Variants in KRT80 observed in about 807,000 individuals in gnomAD.
KRT80 encodes the protein keratin 80, also known as keratin, type II cytoskeletal 80.
In KRT80, 36 loss-of-function variants were observed where a neutral mutation model predicts 51.5. The ratio of observed to expected loss-of-function variants is 0.70; its 90% CI spans 0.54 to 0.92. The LOEUF is 0.92. Among genes scored for constraint, KRT80 ranks in the 40% least tolerant of loss-of-function variants. KRT80 has a pLI of 0.00. For missense variants in KRT80, 566 were observed against 591.7 expected, an observed-to-expected ratio of 0.96 and a Z score of 0.45; for synonymous variants, 235 against 248.3, an observed-to-expected ratio of 0.95 and a Z score of 0.50.
At chr12:52,174,650 A>G (rs1941188441) in intron 4 of KRT80, among the ~76,000 whole-genome samples, 1 of 152,256 alleles carries the variant, frequency 6.6e-6, no homozygotes, top group Admixed American at 6.5e-5. Flanking sequence ...ACTGAGGCAT[A>G]AAGATGTTGT....
At chr12:52,178,524 C>T (rs12581752) in intron 4 of KRT80, among the ~76,000 whole-genome samples, 76,472 of 152,130 alleles carry the variant, frequency 0.5, 19,829 homozygotes, top group African/African-American at 0.54. Context: ...TGAGAGGCCC[C>T]GCTCATGGGC....
chr12:52,191,912 G>C lies in KRT80; in HGVS notation c.-10C>G, dbSNP rs201521953. 19 of 1,456,630 alleles carry C rather than the reference G, an allele frequency of 1.3e-5. No homozygotes were observed. The highest frequency in any genetic ancestry group is 1.7e-5 in the Non-Finnish European group (19 of 1,103,022). 90.2% of individuals were successfully genotyped at this position (1,456,630 alleles called of 1,614,324 possible). ...AGGAGCGGCAGGCCATGGTGCCCCC[G>C]GCCGGAAGCAGGAGGGCCCAGGGGG... On this transcript the variant is annotated 5_prime_UTR_variant, in exon 1 of 9. Transcript: ENST00000394815.
rs546805667 is a variant in KRT80, at chr12:52,179,507, C to T, written c.666+1006G>A. On this transcript the variant is annotated intron_variant, in intron 4 of 8. Coordinates refer to ENST00000394815, the MANE Select transcript of KRT80 (RefSeq NM_182507.3). ...CTATGCTACCTCTCGTGGCCACAAA[C>T]AAGACTCAGTTCCACGGAGGCCCCA... 2.6e-4 allele frequency among the ~76,000 whole-genome samples: 39 copies of T among 152,352 alleles called. No homozygotes were observed. In the East Asian group the frequency reaches 7.0e-3, roughly 27 times the overall value.
Position 52,172,297 on chromosome 12 carries a change from G to A in KRT80, c.1079C>T (p.Ala360Val), listed in dbSNP as rs564779835. The change falls in exon 7 of 9, where the codon GCG (alanine) becomes GTG (valine). Residue 360 changes from alanine to valine, a missense_variant. Ala to Val is a moderately conservative substitution (Grantham distance 64, BLOSUM62 0). Coordinates refer to ENST00000394815, the MANE Select transcript of KRT80 (RefSeq NM_182507.3). ...CTCCTGGTACTTGCGCAGCTGCCGC[G>A]CCATGTCCTGCTTGGCCTGCTGCAG... The part of the protein sequence containing the change: ...AALQQAKQDM[A>V]RQLRKYQELM... 46 of 1,613,962 alleles carry A rather than the reference G, an allele frequency of 2.9e-5. No individual in the cohort carries two copies. The highest frequency in any genetic ancestry group is 3.5e-5 in the Non-Finnish European group (41 of 1,179,892).
chr12:52,183,593 A>G (rs750044590), intron 2 of KRT80, among the ~76,000 whole-genome samples: 3 of 152,164 alleles, frequency 2.0e-5, no homozygotes, highest in Non-Finnish European at 4.4e-5. Flanking sequence ...AGAGGAAGAG[A>G]GGCTCAGCCT....
chr12:52,171,445 C>A lies in KRT80; in HGVS notation c.1312G>T (p.Glu438Ter). ...GSKGPVIKIT[E>*]MSEKYFSQES... The stretch of plus-strand genomic sequence containing the variant: ...TGCGAGAAGTACTTCTCTGACATTT[C>A]GGTGATTTTGATCACGGGGCCTTTG... The change falls in exon 9 of 9, where the codon GAA becomes TAA. Residue 438 changes from glutamate to a stop codon, truncating the protein, a stop_gained. Transcript: ENST00000394815. LOFTEE classifies it high-confidence loss of function. The A allele has an allele frequency of 6.2e-7, 1 of 1,612,576 alleles. No individual in the cohort carries two copies. The highest frequency in any genetic ancestry group is 8.5e-7 in the Non-Finnish European group (1 of 1,179,282).
chr12:52,175,309 A>G (rs1039566258), intron 4 of KRT80, among the ~76,000 whole-genome samples: 3 of 152,106 alleles, frequency 2.0e-5, no homozygotes. Flanking sequence ...ACCCTGTGCC[A>G]ATGTTCAACG....
chr12:52,171,633 G>C, intron 8 of KRT80, 25 bp downstream of exon 8: 1 of 1,597,496 alleles, frequency 6.3e-7, no homozygotes, highest in Middle Eastern at 1.7e-4. Context: ...ACCCCACCAT[G>C]GGTTCTCGGG....
chr12:52,175,162 G>A (rs1383236217), intron 4 of KRT80, among the ~76,000 whole-genome samples: 1 of 152,200 alleles, frequency 6.6e-6, no homozygotes, highest in Non-Finnish European at 1.5e-5. Context: ...AACAAGGCCA[G>A]TATACTGCAG....
At chr12:52,174,167 C>T (rs931640945) in intron 4 of KRT80, among the ~76,000 whole-genome samples, 3 of 152,202 alleles carry the variant, frequency 2.0e-5, no homozygotes, top group Non-Finnish European at 4.4e-5. Context: ...TTTCATTATT[C>T]CTGTGCTGTG....
At chr12:52,179,269 G>T (rs923208428) in intron 4 of KRT80, among the ~76,000 whole-genome samples, 1 of 152,238 alleles carries the variant, frequency 6.6e-6, no homozygotes, top group African/African-American at 2.4e-5. Context: ...ATGCCAGCCT[G>T]GGCTGCACCA....
At chr12:52,188,956 ACG>A (rs1941443788) in intron 1 of KRT80, among the ~76,000 whole-genome samples, 2 of 152,074 alleles carry the variant, frequency 1.3e-5, no homozygotes, top group Admixed American at 1.3e-4. Flanking sequence ...TTCCACTGGG[ACG>A]AGCTCAGGAC....
At chr12:52,176,528 T>C (rs1941226215) in intron 4 of KRT80, among the ~76,000 whole-genome samples, 1 of 151,356 alleles carries the variant, frequency 6.6e-6, no homozygotes, top group African/African-American at 2.4e-5. Flanking sequence ...GTTGCCCAGG[T>C]TGGAGTGTGG....
chr12:52,185,926 C>G (rs888994874), intron 1 of KRT80, among the ~76,000 whole-genome samples: 1 of 151,746 alleles, frequency 6.6e-6, no homozygotes, highest in Admixed American at 6.6e-5. Context: ...GGCGGGAGAC[C>G]CCAGGGAACA....
chr12:52,190,799 T>C (rs1592368575), intron 1 of KRT80, among the ~76,000 whole-genome samples: 4 of 151,660 alleles, frequency 2.6e-5, no homozygotes, highest in Admixed American at 2.6e-4. Context: ...TCAGGAGGAG[T>C]TTCTTGGAGA....
In KRT80 at chr12:52,171,632, T is replaced by C. The variant is rs115366831; in HGVS notation, c.1234+26A>G. 2,968 of 1,500,170 alleles carry C rather than the reference T, an allele frequency of 2.0e-3. 54 individuals are homozygous for C. In the African/African-American group the frequency reaches 0.038, roughly 19 times the overall value. 92.9% of individuals were successfully genotyped at this position (1,500,170 alleles called of 1,614,324 possible). On this transcript the variant is annotated intron_variant, in intron 8 of 8. Coordinates refer to ENST00000394815, the MANE Select transcript of KRT80 (RefSeq NM_182507.3). Reference sequence around the variant, plus strand: ...CTACACCCTCACCCTCACCCCACCATGGGTTCTCGGGGCAAGAGGACTCAC... The same window carrying C: ...CTACACCCTCACCCTCACCCCACCACGGGTTCTCGGGGCAAGAGGACTCAC...
In KRT80 at chr12:52,172,404, C is replaced by T. The variant is rs773922060; in HGVS notation, c.972G>A (p.Glu324=). The change falls in exon 7 of 9, where the codon GAG becomes GAA. Residue 324 remains glutamate, a synonymous_variant. Coordinates refer to ENST00000394815, the MANE Select transcript of KRT80 (RefSeq NM_182507.3). ...GCTCCTCAGCTGTCTTGATGTTCTC[C>T]TCCAGTTTCAGGCACTGCAGCCAGG... ...LSVKSHCLKL[E]ENIKTAEEQG... is the part of the protein sequence containing the mutation. The T allele has an allele frequency of 4.3e-6, 7 of 1,612,614 alleles. No individual in the cohort carries two copies. Among genetic ancestry groups the T allele is most frequent in the Non-Finnish European group, 5.9e-6 (7 of 1,178,826 alleles).
intron 4 of KRT80, among the ~76,000 whole-genome samples, chr12:52,176,274 C>T (rs891054242): frequency 6.6e-6 from 1 of 152,162 alleles, no homozygotes; most frequent in Non-Finnish European, 1.5e-5. Flanking sequence ...GATGGGACCC[C>T]TGGAGAGCAC....
rs1313637923 is a variant in KRT80, at chr12:52,169,427, T to C, written c.*1971A>G. On this transcript the variant is annotated 3_prime_UTR_variant, in exon 9 of 9. Coordinates refer to ENST00000394815, the MANE Select transcript of KRT80 (RefSeq NM_182507.3). ...GATATAACTAAGTCCCTGGACTTTT[T>C]CTCCCTTAATTGGAGAATTCCTAAT... The C allele has an allele frequency of 6.6e-6, 1 of 152,624 alleles. No individual in the cohort carries two copies. Among genetic ancestry groups the C allele is most frequent in the Admixed American group, 6.5e-5 (1 of 15,288 alleles). The allele number at this position is 152,624 out of a possible 1,614,324, so 9.5% of individuals were successfully genotyped here.
Sources: gnomAD v4.1 joint callset for allele counts (sites outside exome capture counted in the v4.1 genomes callset) on GRCh38, gnomAD v4.1.1 for gene constraint, MANE v1.5 for transcripts, NCBI Gene and HGNC (gene_info 2026-07-23, HGNC 2026-07-21) for gene names.